The following ERC1 variants were observed in gnomAD, a reference collection of about 807,000 sequenced individuals.
The protein encoded by ERC1 is ELKS/RAB6-interacting/CAST family member 1.
A neutral mutation model predicts 132.0 loss-of-function variants in ERC1; 56 were observed. That is an observed-to-expected ratio of 0.42 (90% confidence interval 0.34 to 0.53). The LOEUF is 0.53. ERC1 is among the 20% of genes least tolerant of loss of function. The pLI is 0.03. For missense variants in ERC1, 1,202 were observed against 1,349.9 expected, an observed-to-expected ratio of 0.89 and a Z score of 1.72; for synonymous variants, 478 against 476.1, an observed-to-expected ratio of 1.00 and a Z score of -0.05.
At chr12:1,415,477 C>G (rs1743439732) in intron 17 of ERC1, among the ~76,000 whole-genome samples, 1 of 152,198 alleles carries the variant, frequency 6.6e-6, no homozygotes, top group Non-Finnish European at 1.5e-5. Context: ...TGTTGTAAAA[C>G]AAGCATCTCC....
At chr12:1,280,363 G>A (rs2078595602) in intron 14 of ERC1, among the ~76,000 whole-genome samples, 1 of 152,120 alleles carries the variant, frequency 6.6e-6, no homozygotes, top group South Asian at 2.1e-4. Context: ...GATAGTTTTT[G>A]TGTGTGTCAT....
At chr12:1,246,182 T>C (rs2076147501) in intron 13 of ERC1, among the ~76,000 whole-genome samples, 1 of 152,164 alleles carries the variant, frequency 6.6e-6, no homozygotes, top group South Asian at 2.1e-4. Context: ...AATATAAAAA[T>C]ACATATGTAC....
chr12:1,156,826 T>C (rs1358458039), intron 8 of ERC1, among the ~76,000 whole-genome samples: 1 of 152,172 alleles, frequency 6.6e-6, no homozygotes, highest in Non-Finnish European at 1.5e-5. Context: ...TTTGTTTTAA[T>C]TGGGAGGTAT....
At chr12:1,333,052 C>CCTCGTCCTGATT (rs2082994421) in intron 15 of ERC1, among the ~76,000 whole-genome samples, 1 of 145,760 alleles carries the variant, frequency 6.9e-6, no homozygotes, top group Admixed American at 6.7e-5. Flanking sequence ...TCGTCCTGAT[C>CCTCGTCCTGATT]CTCGTCCTGA....
At chr12:1,152,061 G>A (rs961864801) in intron 8 of ERC1, among the ~76,000 whole-genome samples, 2 of 152,124 alleles carry the variant, frequency 1.3e-5, no homozygotes, top group African/African-American at 4.8e-5. Flanking sequence ...TTAGCTGGGA[G>A]TAGTGGCAGG....
chr12:1,255,045 C>T (rs531382418), intron 13 of ERC1, among the ~76,000 whole-genome samples: 97 of 151,818 alleles, frequency 6.4e-4, no homozygotes, highest in Non-Finnish European at 1.3e-3. Flanking sequence ...CTGCACCCAT[C>T]AACCTGTCAC....
chr12:1,121,841 A>C (rs200162734), intron 7 of ERC1, among the ~76,000 whole-genome samples: 7 of 10,944 alleles, frequency 6.4e-4, no homozygotes, highest in African/African-American at 1.1e-3. Flanking sequence ...ATCTCTATCT[A>C]TCTCTATCTC....
chr12:1,070,618 A>G (rs1316466774), intron 2 of ERC1, among the ~76,000 whole-genome samples: 1 of 151,838 alleles, frequency 6.6e-6, no homozygotes, highest in East Asian at 1.9e-4. Context: ...AGTCATTCCT[A>G]CTTGTTAAGA....
intron 15 of ERC1, among the ~76,000 whole-genome samples, chr12:1,305,420 A>G (rs1261556771): frequency 1.3e-5 from 2 of 152,168 alleles, no homozygotes; most frequent in Non-Finnish European, 2.9e-5. Flanking sequence ...AACTTTATGC[A>G]GAAAGGTTAG....
chr12:1,178,487 T>A (rs963122423), intron 8 of ERC1, among the ~76,000 whole-genome samples: 1 of 152,124 alleles, frequency 6.6e-6, no homozygotes, highest in Non-Finnish European at 1.5e-5. Context: ...CTATAATGAT[T>A]GATAGATAGA....
chr12:1,351,388 G>C (rs909085666), intron 15 of ERC1, among the ~76,000 whole-genome samples: 3 of 152,180 alleles, frequency 2.0e-5, no homozygotes, highest in African/African-American at 7.2e-5. Context: ...CTGCCAAACT[G>C]TCTTCCAAAG....
At chr12:1,113,037 C>G (rs1442877750) in intron 6 of ERC1, among the ~76,000 whole-genome samples, 1 of 152,034 alleles carries the variant, frequency 6.6e-6, no homozygotes, top group South Asian at 2.1e-4. Flanking sequence ...TGTCATTATT[C>G]CCTAAGCAAT....
At chr12:1,240,308 C>A (rs1020739857) in intron 13 of ERC1, among the ~76,000 whole-genome samples, 2 of 152,106 alleles carry the variant, frequency 1.3e-5, no homozygotes, top group Admixed American at 1.3e-4. Context: ...TTTATTGAAG[C>A]TGAGTGGTGG....
At chr12:1,038,515 C>G (rs1343966348) in intron 2 of ERC1, among the ~76,000 whole-genome samples, 1 of 152,112 alleles carries the variant, frequency 6.6e-6, no homozygotes, top group East Asian at 1.9e-4. Flanking sequence ...CACACGCCAC[C>G]ATGCCCTGCT....
At chr12:1,070,593 CCTT>C (rs1940163392) in intron 2 of ERC1, among the ~76,000 whole-genome samples, 2 of 152,244 alleles carry the variant, frequency 1.3e-5, no homozygotes, top group Admixed American at 6.5e-5. Context: ...GTCTACTCTT[CCTT>C]CTTCTAATCC....
chr12:1,102,793 G>T (rs960115644), intron 3 of ERC1, among the ~76,000 whole-genome samples: 2 of 152,170 alleles, frequency 1.3e-5, no homozygotes, highest in East Asian at 1.9e-4. Context: ...AAAGTAGAGC[G>T]AAGTAAAGGG....
intron 6 of ERC1, among the ~76,000 whole-genome samples, chr12:1,114,614 T>C (rs1412562693): frequency 5.3e-5 from 8 of 152,180 alleles, no homozygotes; most frequent in Admixed American, 3.3e-4. Flanking sequence ...GTTGTTTTTA[T>C]TGGTGAAGGG....
chr12:1,168,552 T>G (rs1952701301), intron 8 of ERC1, among the ~76,000 whole-genome samples: 1 of 148,908 alleles, frequency 6.7e-6, no homozygotes, highest in Admixed American at 6.7e-5. Flanking sequence ...TGGCGCAATC[T>G]TAGCTCACTG....
At position 1,225,596 on chromosome 12, in the gene ERC1, A is replaced by G. The variant is rs191868134; in HGVS notation, c.2352-11173A>G. ...ACCTAGTTTTATGATTTGTAGGTAA[A>G]GTAGGATTTTTAAAATCACTTACTC... is the stretch of plus-strand genomic sequence containing the variant. On this transcript the variant is annotated intron_variant, in intron 12 of 18. Coordinates refer to ENST00000360905, the MANE Select transcript of ERC1 (RefSeq NM_178040.4). Among the ~76,000 whole-genome samples the G allele has an allele frequency of 1.6e-3, 246 of 152,304 alleles. 1 individual carries two copies. The highest frequency in any genetic ancestry group is 4.6e-3 in the Admixed American group (71 of 15,290).
Sources: allele counts gnomAD v4.1 joint callset (sites outside exome capture counted in the v4.1 genomes callset), GRCh38; gene constraint gnomAD v4.1.1; transcripts MANE v1.5; gene names NCBI Gene and HGNC (gene_info 2026-07-23, HGNC 2026-07-21).